SETBP1: variants seen among roughly 807,000 people sequenced by gnomAD.
SETBP1 encodes SET binding protein 1.
SETBP1 carries 9 observed loss-of-function variants against 101.0 expected under a neutral mutation model. That is an observed-to-expected ratio of 0.09 (90% CI 0.05 to 0.16). SETBP1 has a LOEUF of 0.16. Among genes scored for constraint, SETBP1 ranks in the 10% least tolerant of loss-of-function variants. The probability of loss-of-function intolerance (pLI) is 1.00; values close to 1 mark genes in which losing one functional copy is unlikely to be tolerated. For synonymous variants in SETBP1, 818 were observed against 788.5 expected, an observed-to-expected ratio of 1.04 and a Z score of -0.63; for missense variants, 1,858 against 2,033.8, an observed-to-expected ratio of 0.91 and a Z score of 1.66.
chr18:44,791,993 T>C (rs144707054), intron 2 of SETBP1, among the ~76,000 whole-genome samples: 179 of 152,244 alleles, frequency 1.2e-3, no homozygotes, highest in African/African-American at 4.0e-3. Context: ...TCTGACACAG[T>C]TGGCTGTGCA....
intron 1 of SETBP1, among the ~76,000 whole-genome samples, chr18:44,687,363 CCAA>C (rs1295195919): frequency 6.6e-6 from 1 of 152,176 alleles, no homozygotes; most frequent in African/African-American, 2.4e-5. Context: ...AATGGCGCCG[CCAA>C]CAACTGTCCA....
At position 44,713,009 on chromosome 18, in the gene SETBP1, A is replaced by G. The variant is rs966007159; in HGVS notation, c.486+11177A>G. On this transcript the variant is annotated intron_variant, in intron 2 of 5. Transcript: ENST00000649279. ...AGTCTTGCTCTGTCGCCCAGACTGA[A>G]GGGCAGTGGTGTGATCTCTGCTTAC... is the stretch of plus-strand genomic sequence containing the variant. Among the ~76,000 whole-genome samples the G allele has an allele frequency of 8.1e-5, 11 of 135,548 alleles. 1 individual carries two copies. The highest frequency in any genetic ancestry group is 3.1e-4 in the African/African-American group (11 of 35,330). 88.9% of individuals were successfully genotyped at this position (135,548 alleles called of 152,430 possible).
chr18:45,041,632 T>C (rs1271828279), intron 5 of SETBP1, among the ~76,000 whole-genome samples: 2 of 152,184 alleles, frequency 1.3e-5, no homozygotes, highest in African/African-American at 4.8e-5. Context: ...AAGAAGGTAC[T>C]GAAGTAATTC....
At chr18:45,015,515 C>T (rs1196821349) in intron 4 of SETBP1, among the ~76,000 whole-genome samples, 1 of 152,232 alleles carries the variant, frequency 6.6e-6, no homozygotes, top group Non-Finnish European at 1.5e-5. Context: ...ACCTGCCTTT[C>T]TCGGGTGACC....
At chr18:44,814,968 C>T (rs747736140) in intron 2 of SETBP1, among the ~76,000 whole-genome samples, 20 of 151,892 alleles carry the variant, frequency 1.3e-4, no homozygotes, top group Non-Finnish European at 2.4e-4. Flanking sequence ...ATAACATTGG[C>T]TATGTAGCCT....
intron 2 of SETBP1, among the ~76,000 whole-genome samples, chr18:44,750,799 A>G (rs1360098332): frequency 6.6e-6 from 1 of 152,224 alleles, no homozygotes; most frequent in African/African-American, 2.4e-5. Flanking sequence ...CATAAAAAAT[A>G]TCAAGTTATG....
At position 44,996,348 on chromosome 18, in the gene SETBP1, G is replaced by T. The variant is rs1265301257; in HGVS notation, c.4001-42137G>T. 2.0e-5 allele frequency among the ~76,000 whole-genome samples: 3 copies of T among 152,214 alleles called. No homozygotes were observed. In the East Asian group the frequency reaches 5.8e-4, roughly 29 times the overall value. On this transcript the variant is annotated intron_variant, in intron 4 of 5. Coordinates refer to ENST00000649279, the MANE Select transcript of SETBP1 (RefSeq NM_015559.3). ...TACAGCAAGGCTCTCCATCTACAAG[G>T]TACTTAGGAGAAGAGGAACTTGTGG... is the stretch of plus-strand genomic sequence containing the variant.
chr18:45,028,710 T>A (rs368985161), intron 4 of SETBP1, among the ~76,000 whole-genome samples: 2 of 152,248 alleles, frequency 1.3e-5, no homozygotes, highest in Admixed American at 6.5e-5. Context: ...ATTCTAACTG[T>A]TGTGAGATGG....
At chr18:44,924,155 G>A (rs183656507) in intron 3 of SETBP1, among the ~76,000 whole-genome samples, 23 of 152,314 alleles carry the variant, frequency 1.5e-4, no homozygotes, top group African/African-American at 4.3e-4. Flanking sequence ...TGTGGCTTCC[G>A]TTCAGCTTGC....
intron 2 of SETBP1, among the ~76,000 whole-genome samples, chr18:44,833,254 A>T (rs566555414): frequency 3.3e-4 from 51 of 152,340 alleles, no homozygotes; most frequent in African/African-American, 1.2e-3. Context: ...ACACATGTTC[A>T]AGTTTACTTT....
intron 2 of SETBP1, among the ~76,000 whole-genome samples, chr18:44,821,056 G>A (rs1453750102): frequency 6.6e-6 from 1 of 152,180 alleles, no homozygotes; most frequent in Non-Finnish European, 1.5e-5. Flanking sequence ...CCACAAAGAT[G>A]TATTGACTCT....
intron 4 of SETBP1, among the ~76,000 whole-genome samples, chr18:45,009,441 G>C (rs1406214599): frequency 6.6e-6 from 1 of 151,830 alleles, no homozygotes; most frequent in Non-Finnish European, 1.5e-5. Context: ...TGGTTCAGCA[G>C]TAGCAGTGGC....
intron 4 of SETBP1, chr18:44,986,679 C>G (rs2072242533): frequency 6.6e-6 from 1 of 150,724 alleles, no homozygotes; most frequent in Non-Finnish European, 1.5e-5. Flanking sequence ...CAGATACATT[C>G]ACCTAGGCCT....
chr18:45,002,241 G>A lies in SETBP1; in HGVS notation c.4001-36244G>A, dbSNP rs370502316. 9.9e-5 allele frequency among the ~76,000 whole-genome samples: 15 copies of A among 151,304 alleles called. No homozygotes were observed. In the East Asian group the frequency reaches 1.8e-3, roughly 18 times the overall value. On this transcript the variant is annotated intron_variant, in intron 4 of 5. Coordinates refer to ENST00000649279, the MANE Select transcript of SETBP1 (RefSeq NM_015559.3). Reference sequence around the variant, plus strand: ...ACCCCAGCTTTCAGATCTGCGATCTGAAAAGGGCAAAGAGTGGAAGATGGT... The same window carrying A: ...ACCCCAGCTTTCAGATCTGCGATCTAAAAAGGGCAAAGAGTGGAAGATGGT...
chr18:44,901,408 T>C (rs2070041906), intron 3 of SETBP1, among the ~76,000 whole-genome samples: 1 of 152,218 alleles, frequency 6.6e-6, no homozygotes, highest in Admixed American at 6.5e-5. Context: ...ATTCATCTAA[T>C]GAATTCCGTC....
chr18:44,836,037 G>A (rs970996425), intron 2 of SETBP1, among the ~76,000 whole-genome samples: 6 of 152,138 alleles, frequency 3.9e-5, no homozygotes, highest in South Asian at 2.1e-4. Flanking sequence ...ATTTGGCCAC[G>A]GACAACGATC....
At chr18:44,967,928 C>T (rs1225649093) in intron 4 of SETBP1, among the ~76,000 whole-genome samples, 1 of 152,174 alleles carries the variant, frequency 6.6e-6, no homozygotes, top group Non-Finnish European at 1.5e-5. Flanking sequence ...AGCATTTTGC[C>T]TCATGACTAA....
At chr18:44,934,666 CTCA>C (rs1211612251) in intron 3 of SETBP1, among the ~76,000 whole-genome samples, 1 of 152,160 alleles carries the variant, frequency 6.6e-6, no homozygotes, top group African/African-American at 2.4e-5. Flanking sequence ...ACTTGTTGAC[CTCA>C]TCTTAAGGGT....
chr18:44,757,151 A>G (rs957562986), intron 2 of SETBP1, among the ~76,000 whole-genome samples: 2 of 152,144 alleles, frequency 1.3e-5, no homozygotes, highest in Non-Finnish European at 2.9e-5. Context: ...CAACAGCATC[A>G]GGTGATTTAG....
Sources: gnomAD v4.1 joint callset for allele counts (sites outside exome capture counted in the v4.1 genomes callset) on GRCh38, gnomAD v4.1.1 for gene constraint, MANE v1.5 for transcripts, NCBI Gene and HGNC (gene_info 2026-07-23, HGNC 2026-07-21) for gene names.